Variants in FBXW4 observed in about 807,000 individuals in gnomAD.
The protein encoded by FBXW4 is F-box and WD repeat domain containing 4.
In FBXW4, 40 loss-of-function variants were observed where a neutral mutation model predicts 61.8. That is an observed-to-expected ratio of 0.65 (90% CI 0.50 to 0.84). The LOEUF (loss-of-function observed/expected upper bound fraction) is 0.84. Among genes scored for constraint, FBXW4 ranks in the 40% least tolerant of loss-of-function variants. The probability of loss-of-function intolerance (pLI) is 0.00; values close to 1 mark genes in which losing one functional copy is unlikely to be tolerated. For synonymous variants in FBXW4, 311 were observed against 313.8 expected (o/e 0.99, Z 0.10); for missense variants, 672 against 753.8 (o/e 0.89, Z 1.27).
intron 1 of FBXW4, among the ~76,000 whole-genome samples, chr10:101,689,073 T>C (rs1340318831): frequency 1.3e-5 from 2 of 151,894 alleles, no homozygotes; most frequent in Non-Finnish European, 2.9e-5. Flanking sequence ...GTGACCTCAC[T>C]GTCAGTTGGG....
intron 5 of FBXW4, among the ~76,000 whole-genome samples, chr10:101,655,429 C>T (rs1479319746): frequency 6.6e-6 from 1 of 152,170 alleles, no homozygotes; most frequent in Non-Finnish European, 1.5e-5. Context: ...AAATTCTCAA[C>T]CACAGCTCAC....
chr10:101,651,541 G>A (rs574071576), intron 5 of FBXW4, among the ~76,000 whole-genome samples: 3 of 152,270 alleles, frequency 2.0e-5, no homozygotes, highest in Non-Finnish European at 4.4e-5. Context: ...CCAGGAGGCA[G>A]CAGCTTGGAC....
In FBXW4 at chr10:101,659,491, C is replaced by A. The variant is rs576473590; in HGVS notation, c.1235+8395G>T. 23 of 949,018 alleles carry A rather than the reference C, an allele frequency of 2.4e-5. No individual in the cohort carries two copies. In the East Asian group the frequency reaches 2.3e-3, roughly 95 times the overall value. The allele number at this position is 949,018 out of a possible 1,614,324, so 58.8% of individuals were successfully genotyped here. A position where few individuals can be genotyped will look rare whatever the true frequency, so the allele number is the denominator to read the frequency against. ...TCCAGAGAAGAAAGCTACCTAGAGACCAGCAGTGGGAAAACTAAGCCCTCA... is the reference window on the plus strand; with the variant it reads ...TCCAGAGAAGAAAGCTACCTAGAGAACAGCAGTGGGAAAACTAAGCCCTCA... On this transcript the variant is annotated intron_variant, in intron 5 of 8. Coordinates refer to ENST00000331272, the MANE Select transcript of FBXW4 (RefSeq NM_022039.4).
Position 101,660,464 on chromosome 10 carries a change from ACAGCTACAC to A in FBXW4, c.1235+7413_1235+7421del, listed in dbSNP as rs539322307. Among the ~76,000 whole-genome samples the A allele has an allele frequency of 2.0e-5, 3 of 152,204 alleles. No homozygotes were observed. The East Asian group carries it at 5.8e-4, about 29-fold the overall frequency. On this transcript the variant is annotated intron_variant, in intron 5 of 8. Coordinates refer to ENST00000331272, the MANE Select transcript of FBXW4 (RefSeq NM_022039.4). ...CAGAGGCTTCCCGGCTGCTCAGAGA[ACAGCTACAC>A]CAGCCACAGAATTTATGGCTCCCCT...
intron 6 of FBXW4, among the ~76,000 whole-genome samples, chr10:101,622,465 C>G (rs754232676): frequency 6.6e-6 from 1 of 152,148 alleles, no homozygotes; most frequent in Non-Finnish European, 1.5e-5. Flanking sequence ...CGGTGGCTCA[C>G]GCCTGTAATC....
intron 5 of FBXW4, chr10:101,627,046 CT>C (rs546029527): frequency 0.015 from 1,950 of 129,992 alleles, 29 homozygotes; most frequent in African/African-American, 0.037. Context: ...TGTACAGGGC[CT>C]TTTTTTTTTT....
At chr10:101,630,157 A>G (rs1278114239) in intron 5 of FBXW4, among the ~76,000 whole-genome samples, 2 of 152,230 alleles carry the variant, frequency 1.3e-5, no homozygotes, top group Admixed American at 1.3e-4. Context: ...GCCTAATAGA[A>G]TATGCAAGCT....
chr10:101,643,425 C>T (rs542968188), intron 5 of FBXW4, among the ~76,000 whole-genome samples: 114 of 152,230 alleles, frequency 7.5e-4, no homozygotes, highest in Non-Finnish European at 1.3e-3. Context: ...GTTGTCCTGA[C>T]CTTGCCATCC....
intron 2 of FBXW4, among the ~76,000 whole-genome samples, chr10:101,674,256 G>C (rs571853446): frequency 9.2e-5 from 14 of 151,804 alleles, no homozygotes; most frequent in Non-Finnish European, 1.5e-5. Flanking sequence ...TTGAACCTGG[G>C]AGGCGGAGGT....
intron 5 of FBXW4, among the ~76,000 whole-genome samples, chr10:101,629,611 G>A (rs1210101946): frequency 6.6e-6 from 1 of 151,928 alleles, no homozygotes; most frequent in Non-Finnish European, 1.5e-5. Flanking sequence ...CACATGAGGA[G>A]ACTGAGGCTT....
chr10:101,694,503 C>T lies in FBXW4; in HGVS notation c.603G>A (p.Arg201=), dbSNP rs2064651756. 6.6e-7 allele frequency: 1 copy of T among 1,521,222 alleles called. No individual in the cohort carries two copies. The highest frequency in any genetic ancestry group is 8.7e-7 in the Non-Finnish European group (1 of 1,144,572). 94.2% of individuals were successfully genotyped at this position (1,521,222 alleles called of 1,614,324 possible). ...LLLICSYLDM[R]ALGRLAQVCR... The stretch of plus-strand genomic sequence containing the variant: ...ACACCTGGGCCAGGCGGCCGAGGGC[C>T]CGCATGTCCAGGTAGGAGCAGATGA... The change falls in exon 1 of 9, where the codon CGG becomes CGA. Residue 201 remains arginine, a synonymous_variant. Coordinates refer to ENST00000331272, the MANE Select transcript of FBXW4 (RefSeq NM_022039.4). This position sits in a 1 kb window ranked among gnomAD's most constrained non-coding sequence, Gnocchi z 6.0.
chr10:101,675,669 A>T (rs1201915797), intron 2 of FBXW4, among the ~76,000 whole-genome samples: 1 of 152,252 alleles, frequency 6.6e-6, no homozygotes, highest in Non-Finnish European at 1.5e-5. Context: ...TGGAATGTGG[A>T]ATCATGATGT....
rs563777776 is a variant in FBXW4, at chr10:101,611,504, G to A, written c.1585-94C>T. The A allele has an allele frequency of 1.8e-5, 28 of 1,568,474 alleles. No homozygotes were observed. In the South Asian group the frequency reaches 2.4e-4, roughly 13 times the overall value. ...TCCCCAGGCCCAGGGGAAGAGGGACGTGTGCCATTGTAGGCTTCTTCCAAC... is the reference window on the plus strand; with the variant it reads ...TCCCCAGGCCCAGGGGAAGAGGGACATGTGCCATTGTAGGCTTCTTCCAAC... On this transcript the variant is annotated intron_variant, in intron 8 of 8. Transcript: ENST00000331272. The surrounding 1 kb of genome is among the most constrained non-coding windows in gnomAD (Gnocchi z 4.9).
intron 7 of FBXW4, 67 bp downstream of exon 7, chr10:101,612,270 G>C (rs1163351658): frequency 7.0e-7 from 1 of 1,432,898 alleles, no homozygotes; most frequent in Non-Finnish European, 9.2e-7. Flanking sequence ...GCCAACCCAG[G>C]ACTGGAGGAA....
intron 5 of FBXW4, chr10:101,625,835 T>G (rs2063903555): frequency 6.6e-6 from 1 of 152,246 alleles, no homozygotes; most frequent in African/African-American, 2.4e-5. Context: ...AGACTGGACA[T>G]ACTAATAACA....
At chr10:101,691,665 C>T (rs941602493) in intron 1 of FBXW4, among the ~76,000 whole-genome samples, 6 of 152,134 alleles carry the variant, frequency 3.9e-5, no homozygotes, top group African/African-American at 1.4e-4. Context: ...CATTCATTCA[C>T]TCAATCTCTA....
chr10:101,694,546 G>C lies in FBXW4; in HGVS notation c.560C>G (p.Pro187Arg), dbSNP rs1326064188. Residue 187 changes from proline to arginine, a missense_variant, in exon 1 of 9, where the codon CCG becomes CGG. Transcript: ENST00000331272. This position sits in a 1 kb window ranked among gnomAD's most constrained non-coding sequence, Gnocchi z 6.0. Reference protein sequence around the residue: ...PAAGPALWRLPEELLLLICSY... With the variant: ...PAAGPALWRLREELLLLICSY... Reference sequence around the variant, plus strand: ...GCAGATGAGCAGCAGCAGCTCCTCCGGCAGGCGCCAGAGCGCAGGCCCCGC... The same window carrying C: ...GCAGATGAGCAGCAGCAGCTCCTCCCGCAGGCGCCAGAGCGCAGGCCCCGC... 8 of 1,491,262 alleles carry C rather than the reference G, an allele frequency of 5.4e-6. No homozygotes were observed. Among genetic ancestry groups the C allele is most frequent in the Non-Finnish European group, 7.1e-6 (8 of 1,128,496 alleles). 92.4% of individuals were successfully genotyped at this position (1,491,262 alleles called of 1,614,324 possible).
intron 5 of FBXW4, among the ~76,000 whole-genome samples, chr10:101,634,684 C>A (rs2063986103): frequency 6.8e-6 from 1 of 146,852 alleles, no homozygotes; most frequent in South Asian, 2.1e-4. Flanking sequence ...CCACTGAATA[C>A]ACATTTGAAA....
At position 101,612,791 on chromosome 10, in the gene FBXW4, G is replaced by A. The variant is rs60928968; in HGVS notation, c.1302-314C>T. 4.6e-4 allele frequency among the ~76,000 whole-genome samples: 70 copies of A among 152,026 alleles called. No individual in the cohort carries two copies. The East Asian group carries it at 0.013, about 29-fold the overall frequency. ...ACAATGAATGGGGGGGCTTGCTGAA[G>A]GGGTCGGCCCCCCTCACATTCACAT... is the stretch of plus-strand genomic sequence containing the variant. On this transcript the variant is annotated intron_variant, in intron 6 of 8. Transcript: ENST00000331272.
Sources: allele counts gnomAD v4.1 joint callset (sites outside exome capture counted in the v4.1 genomes callset), GRCh38; gene constraint gnomAD v4.1.1; non-coding constraint Gnocchi (gnomAD v3.1); transcripts MANE v1.5; gene names NCBI Gene and HGNC (gene_info 2026-07-23, HGNC 2026-07-21).